NFAT5: variants seen among roughly 807,000 people sequenced by gnomAD.
NFAT5 encodes the protein nuclear factor of activated T cells 5.
A neutral mutation model predicts 166.5 loss-of-function variants in NFAT5; 31 were observed. The observed-to-expected ratio is 0.19, with a 90% CI of 0.14 to 0.25. The LOEUF (loss-of-function observed/expected upper bound fraction) is 0.25. Ranked by LOEUF, NFAT5 falls within the 10% of genes least tolerant of loss-of-function variation. The probability of loss-of-function intolerance (pLI) is 1.00; values close to 1 mark genes in which losing one functional copy is unlikely to be tolerated. For synonymous variants in NFAT5, 612 were observed against 639.7 expected (o/e 0.96, Z 0.65); for missense variants, 1,449 against 1,821.8 (o/e 0.80, Z 3.72).
chr16:69,567,289 C>T lies in NFAT5; in HGVS notation c.73+915C>T, dbSNP rs913812816. Among the ~76,000 whole-genome samples the T allele has an allele frequency of 3.3e-5, 5 of 152,230 alleles. No homozygotes were observed. In the East Asian group the frequency reaches 9.6e-4, roughly 29 times the overall value. On this transcript the variant is annotated intron_variant, in intron 1 of 14. Coordinates refer to ENST00000349945, the MANE Select transcript of NFAT5 (RefSeq NM_138713.4). ...ATTCCCAGCATCTGAAATATTAGCA[C>T]TGGAGCTGATCCCTACTCAGGTGAA...
chr16:69,640,765 T>G (rs1176504837), intron 3 of NFAT5, among the ~76,000 whole-genome samples: 1 of 152,034 alleles, frequency 6.6e-6, no homozygotes, highest in Non-Finnish European at 1.5e-5. Flanking sequence ...GCGGATCAGC[T>G]GAGGTCAGGA....
intron 3 of NFAT5, among the ~76,000 whole-genome samples, chr16:69,638,447 C>T (rs1027193670): frequency 6.7e-5 from 10 of 150,314 alleles, no homozygotes; most frequent in Non-Finnish European, 1.2e-4. Flanking sequence ...AAAAAACAAA[C>T]GTAGGGCTGG....
chr16:69,622,448 A>C (rs2034242016), intron 2 of NFAT5, among the ~76,000 whole-genome samples: 1 of 152,102 alleles, frequency 6.6e-6, no homozygotes, highest in Non-Finnish European at 1.5e-5. Flanking sequence ...TATACCTTCC[A>C]CTTGACCTTG....
chr16:69,683,267 C>T (rs2037146608), intron 10 of NFAT5, among the ~76,000 whole-genome samples: 1 of 152,136 alleles, frequency 6.6e-6, no homozygotes, highest in Non-Finnish European at 1.5e-5. Flanking sequence ...CACGGTGGTT[C>T]ATGCCTGTAA....
chr16:69,623,016 A>G (rs2034274349), intron 2 of NFAT5, among the ~76,000 whole-genome samples: 1 of 152,102 alleles, frequency 6.6e-6, no homozygotes, highest in Admixed American at 6.5e-5. Flanking sequence ...ATAGTGGTGT[A>G]TGCCTATAAT....
chr16:69,635,070 G>A (rs1222822549), intron 3 of NFAT5, among the ~76,000 whole-genome samples: 1 of 144,842 alleles, frequency 6.9e-6, no homozygotes, highest in Non-Finnish European at 1.5e-5. Context: ...GAGTGCAATG[G>A]TGCGATCTCA....
intron 4 of NFAT5, among the ~76,000 whole-genome samples, chr16:69,648,026 T>G (rs2035514269): frequency 6.6e-6 from 1 of 151,680 alleles, no homozygotes; most frequent in East Asian, 1.9e-4. Flanking sequence ...ACAAAAAAAA[T>G]TAGCCGGGCA....
Position 69,697,123 on chromosome 16 carries a change from C to T in NFAT5, c.*772C>T, listed in dbSNP as rs1437235514. On this transcript the variant is annotated 3_prime_UTR_variant, in exon 15 of 15. Transcript: ENST00000349945. ...ATGATAAATTATGTTCTGATATCCT[C>T]CTACAGTAGTTTAAATTGACAGAAA... The T allele has an allele frequency of 6.6e-6, 1 of 152,532 alleles. No homozygotes were observed. The highest frequency in any genetic ancestry group is 1.5e-5 in the Non-Finnish European group (1 of 68,010). 9.4% of individuals were successfully genotyped at this position (152,532 alleles called of 1,614,324 possible).
chr16:69,594,622 CAT>C (rs758089526), intron 2 of NFAT5, among the ~76,000 whole-genome samples: 3 of 152,132 alleles, frequency 2.0e-5, no homozygotes, highest in Non-Finnish European at 2.9e-5. Flanking sequence ...TTGACTGAAA[CAT>C]ATGTGGCACA....
chr16:69,589,860 TC>T (rs2032350323), intron 2 of NFAT5, among the ~76,000 whole-genome samples: 1 of 152,124 alleles, frequency 6.6e-6, no homozygotes, highest in South Asian at 2.1e-4. Flanking sequence ...ACCCCACGCA[TC>T]TAAAAAGTTC....
At chr16:69,591,756 C>A (rs1278827763) in intron 2 of NFAT5, among the ~76,000 whole-genome samples, 5 of 152,018 alleles carry the variant, frequency 3.3e-5, no homozygotes, top group Admixed American at 6.6e-5. Context: ...TAGCTCACAC[C>A]TGTAATTTCA....
intron 2 of NFAT5, among the ~76,000 whole-genome samples, chr16:69,589,331 T>G (rs913045837): frequency 6.6e-6 from 1 of 152,200 alleles, no homozygotes; most frequent in African/African-American, 2.4e-5. Flanking sequence ...TTTGTCTAAC[T>G]TGTCTATCAG....
intron 3 of NFAT5, among the ~76,000 whole-genome samples, chr16:69,628,110 G>A (rs1189767073): frequency 6.6e-6 from 1 of 151,668 alleles, no homozygotes; most frequent in African/African-American, 2.4e-5. Context: ...AAATTGTTAG[G>A]TTTAGAAAAA....
intron 2 of NFAT5, among the ~76,000 whole-genome samples, chr16:69,610,458 T>C (rs2033655383): frequency 6.6e-6 from 1 of 152,222 alleles, no homozygotes; most frequent in African/African-American, 2.4e-5. Context: ...GCTTATTCAT[T>C]CATTTGTTTA....
intron 2 of NFAT5, among the ~76,000 whole-genome samples, chr16:69,591,050 G>A (rs558598740): frequency 1.3e-5 from 2 of 152,216 alleles, no homozygotes; most frequent in Non-Finnish European, 2.9e-5. Context: ...TCCTGCCTCA[G>A]CCTCCCTAGT....
chr16:69,658,318 A>G (rs141558347), intron 6 of NFAT5, among the ~76,000 whole-genome samples: 9 of 151,626 alleles, frequency 5.9e-5, no homozygotes, highest in Admixed American at 5.9e-4. Flanking sequence ...CCCCATCTCT[A>G]CTAAAAATAT....
At chr16:69,617,472 T>G (rs553987880) in intron 2 of NFAT5, among the ~76,000 whole-genome samples, 1 of 151,994 alleles carries the variant, frequency 6.6e-6, no homozygotes, top group East Asian at 1.9e-4. Context: ...GCTAAGAGGT[T>G]ATTTAGAGAA....
At chr16:69,645,618 CT>C (rs2035406650) in intron 3 of NFAT5, among the ~76,000 whole-genome samples, 1 of 152,078 alleles carries the variant, frequency 6.6e-6, no homozygotes, top group Admixed American at 6.5e-5. Flanking sequence ...ACATTTTGCT[CT>C]TTATATTATA....
intron 2 of NFAT5, among the ~76,000 whole-genome samples, chr16:69,601,156 A>G (rs74026882): frequency 0.24 from 36,196 of 152,060 alleles, 4,631 homozygotes; most frequent in East Asian, 0.45. Context: ...GAAAACGACA[A>G]AACAAGAACA....
Sources: allele counts gnomAD v4.1 joint callset (sites outside exome capture counted in the v4.1 genomes callset), GRCh38; gene constraint gnomAD v4.1.1; transcripts MANE v1.5; gene names NCBI Gene and HGNC (gene_info 2026-07-23, HGNC 2026-07-21).